NPAS3: variants seen among roughly 807,000 people sequenced by gnomAD.
The protein encoded by NPAS3 is neuronal PAS domain protein 3.
NPAS3 carries 14 observed loss-of-function variants against 73.1 expected under a neutral mutation model. The ratio of observed to expected loss-of-function variants is 0.19; its 90% CI spans 0.13 to 0.30. The LOEUF is 0.30. Among genes scored for constraint, NPAS3 ranks in the 10% least tolerant of loss-of-function variants. NPAS3 has a pLI of 1.00. For missense variants in NPAS3, 1,096 were observed against 1,250.0 expected (o/e 0.88, Z 1.86); for synonymous variants, 620 against 541.5 (o/e 1.14, Z -2.01).
chr14:33,035,713 CAAATGTGGCTTT>C (rs2040143972), intron 1 of NPAS3, among the ~76,000 whole-genome samples: 1 of 152,186 alleles, frequency 6.6e-6, no homozygotes, highest in African/African-American at 2.4e-5. Flanking sequence ...GTCTAGTCTA[CAAATGTGGCTTT>C]AAGGATAAAC....
intron 7 of NPAS3, among the ~76,000 whole-genome samples, chr14:33,757,380 A>G (rs552360169): frequency 2.6e-4 from 40 of 152,298 alleles, no homozygotes; most frequent in African/African-American, 7.7e-4. Context: ...GCTGTTCAAC[A>G]TATGGGGAAC....
rs148862895 is a variant in NPAS3 at position 33,325,538 on chromosome 14, C to T, written c.386-41648C>T. Among the ~76,000 whole-genome samples, 83 of 150,092 alleles carry T rather than the reference C, an allele frequency of 5.5e-4. 3 individuals carry two copies. Among genetic ancestry groups the T allele is most frequent in the Admixed American group, 5.4e-3 (80 of 14,888 alleles). ...GTGGGTGCTTGTAATCCCAGCTACA[C>T]AGGAGGCCAAGGCAGGAGAATCACT... On this transcript the variant is annotated intron_variant, in intron 3 of 11. Transcript: ENST00000356141.
chr14:33,190,087 C>G (rs776595681), intron 2 of NPAS3, among the ~76,000 whole-genome samples: 1 of 152,100 alleles, frequency 6.6e-6, no homozygotes, highest in Non-Finnish European at 1.5e-5. Flanking sequence ...CAAGAAAATG[C>G]ATAGAAATAC....
At chr14:33,130,543 T>C (rs1249754302) in intron 2 of NPAS3, among the ~76,000 whole-genome samples, 1 of 152,192 alleles carries the variant, frequency 6.6e-6, no homozygotes, top group African/African-American at 2.4e-5. Flanking sequence ...AATGATACTT[T>C]ATGGAAATAT....
intron 3 of NPAS3, among the ~76,000 whole-genome samples, chr14:33,355,951 C>G (rs1433364127): frequency 6.6e-6 from 1 of 152,222 alleles, no homozygotes; most frequent in East Asian, 1.9e-4. Context: ...AATGCCAGCT[C>G]CATGCAGGCC....
At chr14:33,255,530 T>C (rs2048746906) in intron 3 of NPAS3, among the ~76,000 whole-genome samples, 1 of 152,188 alleles carries the variant, frequency 6.6e-6, no homozygotes, top group African/African-American at 2.4e-5. Context: ...AGTGTATTTT[T>C]TTTCCAAGGC....
intron 2 of NPAS3, among the ~76,000 whole-genome samples, chr14:33,122,383 T>C (rs928474137): frequency 5.3e-5 from 8 of 152,174 alleles, no homozygotes; most frequent in African/African-American, 1.9e-4. Flanking sequence ...TTATCAAATC[T>C]AATTTGAATA....
intron 4 of NPAS3, among the ~76,000 whole-genome samples, chr14:33,527,657 G>T (rs2053861996): frequency 6.6e-6 from 1 of 152,140 alleles, no homozygotes; most frequent in South Asian, 2.1e-4. Flanking sequence ...TATATATGAA[G>T]TATTAATAGA....
At chr14:33,036,054 C>T (rs1022039088) in intron 1 of NPAS3, among the ~76,000 whole-genome samples, 1 of 152,178 alleles carries the variant, frequency 6.6e-6, no homozygotes, top group Non-Finnish European at 1.5e-5. Context: ...GGTGGGACTT[C>T]CCTGATGTTT....
intron 5 of NPAS3, among the ~76,000 whole-genome samples, chr14:33,618,194 T>G (rs966646402): frequency 6.6e-6 from 1 of 152,184 alleles, no homozygotes; most frequent in African/African-American, 2.4e-5. Flanking sequence ...GAAGACAGTT[T>G]TTTCATGGAC....
chr14:33,379,495 A>G (rs2046448289), intron 4 of NPAS3, among the ~76,000 whole-genome samples: 1 of 152,150 alleles, frequency 6.6e-6, no homozygotes, highest in Admixed American at 6.6e-5. Flanking sequence ...TTGGCTTTAG[A>G]GTAGCCCTTG....
intron 4 of NPAS3, among the ~76,000 whole-genome samples, chr14:33,392,537 G>A (rs913079593): frequency 1.3e-5 from 2 of 152,102 alleles, no homozygotes; most frequent in East Asian, 3.9e-4. Flanking sequence ...AAGTACTGAC[G>A]CTCGGAGTTC....
chr14:33,068,044 C>T (rs2041341488), intron 2 of NPAS3, among the ~76,000 whole-genome samples: 1 of 152,208 alleles, frequency 6.6e-6, no homozygotes, highest in Admixed American at 6.5e-5. Context: ...TATCTCCTAT[C>T]TTACTCAGTT....
intron 5 of NPAS3, among the ~76,000 whole-genome samples, chr14:33,667,196 A>T (rs550729390): frequency 3.9e-5 from 6 of 152,310 alleles, no homozygotes; most frequent in East Asian, 1.9e-4. Flanking sequence ...CATATTACGA[A>T]TCAGAGCGGC....
rs1442700670 is a variant in NPAS3 at position 32,967,709 on chromosome 14, A to G, written c.50+28343A>G. On this transcript the variant is annotated intron_variant, in intron 1 of 11. Transcript: ENST00000356141. The stretch of plus-strand genomic sequence containing the variant: ...ATAACAAATACTGGCAAGGATGTAG[A>G]GAAAGGGGAGCTCTTATACACTGTT... Among the ~76,000 whole-genome samples, 2 of 151,446 alleles carry G rather than the reference A, an allele frequency of 1.3e-5. 1 individual carries two copies. Among genetic ancestry groups the G allele is most frequent in the Admixed American group, 1.3e-4 (2 of 15,208 alleles).
intron 1 of NPAS3, among the ~76,000 whole-genome samples, chr14:32,949,195 A>G (rs924820057): frequency 5.9e-5 from 9 of 152,114 alleles, no homozygotes; most frequent in African/African-American, 2.2e-4. Flanking sequence ...ACACTAAGCT[A>G]TCATTTTCCT....
At chr14:33,324,660 C>T (rs1310447807) in intron 3 of NPAS3, among the ~76,000 whole-genome samples, 4 of 152,054 alleles carry the variant, frequency 2.6e-5, no homozygotes, top group African/African-American at 9.7e-5. Context: ...TGTTTCTTTA[C>T]TTTTGATAGT....
chr14:33,235,718 T>C (rs2048008458), intron 3 of NPAS3, among the ~76,000 whole-genome samples: 1 of 151,428 alleles, frequency 6.6e-6, no homozygotes, highest in South Asian at 2.1e-4. Flanking sequence ...GTATTTCTTA[T>C]CACTCTCAGA....
intron 3 of NPAS3, among the ~76,000 whole-genome samples, chr14:33,312,110 G>T (rs897758869): frequency 6.6e-6 from 1 of 152,068 alleles, no homozygotes; most frequent in Admixed American, 6.6e-5. Context: ...ATTATAACGT[G>T]GGTGTCATTA....
Sources: allele counts gnomAD v4.1 joint callset (sites outside exome capture counted in the v4.1 genomes callset), GRCh38; gene constraint gnomAD v4.1.1; transcripts MANE v1.5; gene names NCBI Gene and HGNC (gene_info 2026-07-23, HGNC 2026-07-21).